The following IGF1R variants were observed in gnomAD, a reference collection of about 807,000 sequenced individuals.
IGF1R encodes the protein insulin-like growth factor 1 receptor.
A neutral mutation model predicts 144.6 loss-of-function variants in IGF1R; 44 were observed. The ratio of observed to expected loss-of-function variants is 0.30; its 90% CI spans 0.24 to 0.39. The LOEUF (loss-of-function observed/expected upper bound fraction) is 0.39. IGF1R is among the 10% of genes least tolerant of loss of function. IGF1R has a pLI of 1.00. For synonymous variants in IGF1R, 795 were observed against 722.8 expected (o/e 1.10, Z -1.60); for missense variants, 1,355 against 1,833.7 (o/e 0.74, Z 4.77).
chr15:98,836,376 C>T (rs1271516930), intron 2 of IGF1R, among the ~76,000 whole-genome samples: 7 of 151,828 alleles, frequency 4.6e-5, no homozygotes, highest in Non-Finnish European at 7.4e-5. Context: ...ATTAAGTAGC[C>T]AGCAGTGGTG....
intron 2 of IGF1R, among the ~76,000 whole-genome samples, chr15:98,741,485 A>T (rs1027043963): frequency 6.6e-6 from 1 of 152,054 alleles, no homozygotes; most frequent in Non-Finnish European, 1.5e-5. Flanking sequence ...TTTACCAGAC[A>T]CCCAGAGGGG....
intron 3 of IGF1R, among the ~76,000 whole-genome samples, chr15:98,894,856 A>G (rs1227931812): frequency 6.6e-6 from 1 of 152,126 alleles, no homozygotes; most frequent in Non-Finnish European, 1.5e-5. Context: ...CCCCATCTCT[A>G]CTAAAAATAC....
In IGF1R at chr15:98,753,380, C is replaced by CTTTTTTTTTT. The variant is rs1173073572; in HGVS notation, c.640+45288_640+45297dup. Among the ~76,000 whole-genome samples the CTTTTTTTTTT allele has an allele frequency of 8.4e-3, 505 of 60,320 alleles. 3 individuals carry two copies. The highest frequency in any genetic ancestry group is 0.052 in the Middle Eastern group (3 of 58). 39.6% of individuals were successfully genotyped at this position (60,320 alleles called of 152,430 possible). ...CACAAGTATGCACCACCATACCTGG[C>CTTTTTTTTTT]TTTTTTTTTTTTTTTTTTTTTTTTG... On this transcript the variant is annotated intron_variant, in intron 2 of 20. Transcript: ENST00000650285.
chr15:98,805,519 T>G (rs1426811013), intron 2 of IGF1R, among the ~76,000 whole-genome samples: 1 of 152,060 alleles, frequency 6.6e-6, no homozygotes, highest in Non-Finnish European at 1.5e-5. Flanking sequence ...TGTGTGTGTG[T>G]GTGATTCAGA....
intron 10 of IGF1R, among the ~76,000 whole-genome samples, chr15:98,918,978 G>A (rs560679465): frequency 6.6e-6 from 1 of 152,282 alleles, no homozygotes; most frequent in East Asian, 1.9e-4. Flanking sequence ...GCTGGTGTGT[G>A]GCAGGGCTTT....
intron 2 of IGF1R, among the ~76,000 whole-genome samples, chr15:98,816,633 C>T (rs1335210005): frequency 1.3e-5 from 2 of 152,230 alleles, no homozygotes; most frequent in Non-Finnish European, 2.9e-5. Context: ...ACACTGGGGA[C>T]TTCCCTTGTG....
At chr15:98,880,742 G>C (rs2013329446) in intron 2 of IGF1R, 1 of 152,170 alleles carries the variant, frequency 6.6e-6, no homozygotes, top group East Asian at 1.9e-4. Context: ...GATTTGTTCT[G>C]GGACCTCCCA....
chr15:98,933,930 C>G (rs976913750), intron 15 of IGF1R, among the ~76,000 whole-genome samples: 1 of 152,202 alleles, frequency 6.6e-6, no homozygotes, highest in Non-Finnish European at 1.5e-5. Context: ...AGTAATCCTA[C>G]CAATAATGCA....
intron 1 of IGF1R, among the ~76,000 whole-genome samples, chr15:98,650,677 G>A (rs1240276017): frequency 1.3e-5 from 2 of 152,358 alleles, no homozygotes; most frequent in Admixed American, 1.3e-4. Context: ...CGTACGCTGT[G>A]GTTTCAGCGC....
At chr15:98,840,278 G>A (rs923763241) in intron 2 of IGF1R, among the ~76,000 whole-genome samples, 1 of 152,178 alleles carries the variant, frequency 6.6e-6, no homozygotes, top group Non-Finnish European at 1.5e-5. Flanking sequence ...AAAACAGTGC[G>A]CACTGTTATC....
At chr15:98,663,194 T>C (rs1412164491) in intron 1 of IGF1R, among the ~76,000 whole-genome samples, 1 of 152,002 alleles carries the variant, frequency 6.6e-6, no homozygotes, top group Non-Finnish European at 1.5e-5. Context: ...GGGGCTGGGT[T>C]GCCAGAGGAG....
At chr15:98,725,717 C>G (rs193094395) in intron 2 of IGF1R, among the ~76,000 whole-genome samples, 1 of 152,212 alleles carries the variant, frequency 6.6e-6, no homozygotes, top group Non-Finnish European at 1.5e-5. Context: ...CTGATAAAGA[C>G]GTACCCAAGA....
At chr15:98,782,705 C>T (rs2055887768) in intron 2 of IGF1R, among the ~76,000 whole-genome samples, 2 of 152,168 alleles carry the variant, frequency 1.3e-5, no homozygotes, top group South Asian at 4.1e-4. Context: ...AATAACTCTG[C>T]AATAAACGTG....
In IGF1R at chr15:98,957,530, C is replaced by A. The variant is rs2017054439; in HGVS notation, c.*88C>A. Reference sequence around the variant, plus strand: ...AGAGAGAGTTTTAACAATCCATTCACAAGCCTCCTGTACCTCAGTGGATCT... The same window carrying A: ...AGAGAGAGTTTTAACAATCCATTCAAAAGCCTCCTGTACCTCAGTGGATCT... On this transcript the variant is annotated 3_prime_UTR_variant, in exon 21 of 21. Transcript: ENST00000650285. 5.8e-6 allele frequency: 9 copies of A among 1,552,890 alleles called. 1 individual carries two copies. In the South Asian group the frequency reaches 1.0e-4, roughly 17 times the overall value.
intron 2 of IGF1R, among the ~76,000 whole-genome samples, chr15:98,755,623 G>A (rs1443118977): frequency 2.0e-5 from 3 of 149,872 alleles, no homozygotes; most frequent in Non-Finnish European, 3.0e-5. Flanking sequence ...GGAGGCTGAG[G>A]CAGGAGAATT....
At chr15:98,824,682 TGCTC>T (rs2056860021) in intron 2 of IGF1R, among the ~76,000 whole-genome samples, 1 of 152,236 alleles carries the variant, frequency 6.6e-6, no homozygotes, top group Non-Finnish European at 1.5e-5. Flanking sequence ...TTCTCCCACT[TGCTC>T]GGCATTCTTT....
At chr15:98,673,704 G>C (rs2052958044) in intron 1 of IGF1R, among the ~76,000 whole-genome samples, 1 of 152,206 alleles carries the variant, frequency 6.6e-6, no homozygotes, top group Non-Finnish European at 1.5e-5. Context: ...TCTGCTGATG[G>C]TGTAGTGCTC....
chr15:98,964,049 C>CCTGT lies in IGF1R; in HGVS notation c.*6611_*6614dup, dbSNP rs1432194092. On this transcript the variant is annotated 3_prime_UTR_variant, in exon 21 of 21. Transcript: ENST00000650285. Reference sequence around the variant, plus strand: ...GTGGAAGAGACGCCCGGTGAAAACACCTGTCTGCTTTCTAAGCCAGTGAGG... The same window carrying CCTGT: ...GTGGAAGAGACGCCCGGTGAAAACACCTGTCTGTCTGCTTTCTAAGCCAGTGAGG... 4.3e-6 allele frequency: 1 copy of CCTGT among 233,166 alleles called. No homozygotes were observed. The highest frequency in any genetic ancestry group is 2.2e-5 in the African/African-American group (1 of 45,294). 14.4% of individuals were successfully genotyped at this position (233,166 alleles called of 1,614,324 possible).
chr15:98,649,944 G>A (rs2052308326), intron 1 of IGF1R, among the ~76,000 whole-genome samples: 1 of 152,306 alleles, frequency 6.6e-6, no homozygotes, highest in South Asian at 2.1e-4. Context: ...CAGCCCAGCC[G>A]TGTTTCCCGG....
Sources: allele counts gnomAD v4.1 joint callset (sites outside exome capture counted in the v4.1 genomes callset), GRCh38; gene constraint gnomAD v4.1.1; transcripts MANE v1.5; gene names NCBI Gene and HGNC (gene_info 2026-07-23, HGNC 2026-07-21).